ZFYVE28: variants seen among roughly 807,000 people sequenced by gnomAD.
The protein encoded by ZFYVE28 is zinc finger FYVE-type containing 28.
Under a neutral mutation model 82.1 loss-of-function variants are expected in ZFYVE28, and 40 were observed. The ratio of observed to expected loss-of-function variants is 0.49; its 90% CI spans 0.38 to 0.63. The LOEUF is 0.63. Ranked by LOEUF, ZFYVE28 falls within the 30% of genes least tolerant of loss-of-function variation. The probability of loss-of-function intolerance (pLI) is 0.00; values close to 1 mark genes in which losing one functional copy is unlikely to be tolerated. For missense variants in ZFYVE28, 1,321 were observed against 1,242.1 expected, an observed-to-expected ratio of 1.06 and a Z score of -0.96; for synonymous variants, 612 against 546.1, an observed-to-expected ratio of 1.12 and a Z score of -1.68.
chr4:2,359,327 T>C (rs1260157200), intron 1 of ZFYVE28, among the ~76,000 whole-genome samples: 1 of 152,090 alleles, frequency 6.6e-6, no homozygotes, highest in Non-Finnish European at 1.5e-5. Flanking sequence ...GGTCTTGCCA[T>C]GTTGCCCGGG....
chr4:2,364,808 G>T, intron 1 of ZFYVE28: 1 of 985,600 alleles, frequency 1.0e-6, no homozygotes, highest in South Asian at 4.7e-5. Flanking sequence ...GGGTGACTGG[G>T]AATGGCGGGG....
chr4:2,301,931 C>T (rs1463843596), intron 8 of ZFYVE28, among the ~76,000 whole-genome samples: 1 of 152,206 alleles, frequency 6.6e-6, no homozygotes, highest in African/African-American at 2.4e-5. Context: ...TTCATCGTGG[C>T]ACGTCTGTGA....
intron 6 of ZFYVE28, among the ~76,000 whole-genome samples, chr4:2,323,374 T>C (rs1049358424): frequency 6.6e-6 from 1 of 152,226 alleles, no homozygotes; most frequent in Non-Finnish European, 1.5e-5. Flanking sequence ...TTCAAGTCTT[T>C]CCTCATTTTT....
At chr4:2,401,551 C>T (rs1257784133) in intron 1 of ZFYVE28, among the ~76,000 whole-genome samples, 2 of 152,210 alleles carry the variant, frequency 1.3e-5, no homozygotes, top group African/African-American at 2.4e-5. Context: ...CCAGGCCCTC[C>T]CCCTCCTCCT....
At chr4:2,303,669 C>A (rs959442819) in intron 8 of ZFYVE28, among the ~76,000 whole-genome samples, 1 of 152,168 alleles carries the variant, frequency 6.6e-6, no homozygotes, top group Non-Finnish European at 1.5e-5. Flanking sequence ...TAGGAGACCT[C>A]CCCATCTCCC....
intron 8 of ZFYVE28, among the ~76,000 whole-genome samples, chr4:2,275,272 C>T (rs2108799293): frequency 6.6e-6 from 1 of 152,308 alleles, no homozygotes; most frequent in South Asian, 2.1e-4. Flanking sequence ...CCCTATAAAT[C>T]GTTCACAGCT....
chr4:2,270,783 C>T lies in ZFYVE28; in HGVS notation c.2606G>A (p.Cys869Tyr). The T allele has an allele frequency of 6.2e-7, 1 of 1,613,228 alleles. No homozygotes were observed. The highest frequency in any genetic ancestry group is 8.5e-7 in the Non-Finnish European group (1 of 1,179,944). ...GACATGGAACATGTAGCAGTGGGTG[C>T]ACACTCGGACCGGCTTCACCTGCCC... The part of the protein sequence containing the change: ...RYGQVKPVRV[C>Y]THCYMFHVTP... The change falls in exon 13 of 13, where the codon TGC (cysteine) becomes TAC (tyrosine). Residue 869 changes from cysteine to tyrosine, a missense_variant. Physicochemically the swap from Cys to Tyr is radical, Grantham distance 194. Around this residue, in one of 2 missense-constraint regions of ZFYVE28, gnomAD observed 978 missense variants for 833.7 expected, o/e 1.17. Transcript: ENST00000290974.
In ZFYVE28 at chr4:2,409,806, T is replaced by C. The variant is rs1043899348; in HGVS notation, c.39+8479A>G. 1.3e-5 allele frequency among the ~76,000 whole-genome samples: 2 copies of C among 152,224 alleles called. No homozygotes were observed. The highest frequency in any genetic ancestry group is 2.4e-5 in the African/African-American group (1 of 41,446). On this transcript the variant is annotated intron_variant, in intron 1 of 12. Transcript: ENST00000290974. This position sits in a 1 kb window ranked among gnomAD's most constrained non-coding sequence, Gnocchi z 4.4. ...AGACACAGAACTCCTTCACGCTGTC[T>C]TCTGGAAGCCCCAGGACAAGGGCCC... is the stretch of plus-strand genomic sequence containing the variant.
chr4:2,341,394 AGGCG>A lies in ZFYVE28; in HGVS notation c.318+80_318+83del, dbSNP rs1369432538. On this transcript the variant is annotated intron_variant, in intron 3 of 12. Coordinates refer to ENST00000290974, the MANE Select transcript of ZFYVE28 (RefSeq NM_020972.3). The surrounding 1 kb of genome is among the most constrained non-coding windows in gnomAD (Gnocchi z 4.5). ...GGAGACACCAGGTCCCGGCACCTGC[AGGCG>A]CCCATGCACAAGGTTCGCAGGGACT... 16 of 1,549,500 alleles carry A rather than the reference AGGCG, an allele frequency of 1.0e-5. No homozygotes were observed. Among genetic ancestry groups the A allele is most frequent in the Non-Finnish European group, 1.4e-5 (16 of 1,142,732 alleles).
intron 8 of ZFYVE28, among the ~76,000 whole-genome samples, chr4:2,303,867 G>A (rs1208268873): frequency 6.6e-6 from 1 of 152,236 alleles, no homozygotes; most frequent in Non-Finnish European, 1.5e-5. Context: ...AAGAGAAGTG[G>A]GCAGTGCGCT....
rs912440314 is a variant in ZFYVE28, at chr4:2,362,825, G to A, written c.40-8752C>T. ...GGGGTCAGGGAGCTGCAGTGGGCAC[G>A]CTGGGTCAGCAGGAGGCCTGGCAGG... is the stretch of plus-strand genomic sequence containing the variant. On this transcript the variant is annotated intron_variant, in intron 1 of 12. Transcript: ENST00000290974. The surrounding 1 kb of genome is among the most constrained non-coding windows in gnomAD (Gnocchi z 5.1). 6.6e-6 allele frequency among the ~76,000 whole-genome samples: 1 copy of A among 152,084 alleles called. No homozygotes were observed. Among genetic ancestry groups the A allele is most frequent in the Non-Finnish European group, 1.5e-5 (1 of 67,996 alleles).
chr4:2,357,505 G>T (rs1428384133), intron 1 of ZFYVE28, among the ~76,000 whole-genome samples: 2 of 152,206 alleles, frequency 1.3e-5, no homozygotes, highest in Admixed American at 1.3e-4. Flanking sequence ...TCAGGCATTA[G>T]TCCAGGTCAG....
At chr4:2,302,856 C>A (rs965175663) in intron 8 of ZFYVE28, among the ~76,000 whole-genome samples, 1 of 152,240 alleles carries the variant, frequency 6.6e-6, no homozygotes, top group Non-Finnish European at 1.5e-5. Flanking sequence ...CGAAGCCGGA[C>A]CCTGGAGGTC....
rs769990161 is a variant in ZFYVE28 at position 2,337,374 on chromosome 4, C to T, written c.611+33G>A. ...GAGTGAGGCAGGGACTCCCCAGATG[C>T]TGCCCCCAGCCCCTAAGCATCCCTG... On this transcript the variant is annotated intron_variant, in intron 5 of 12. Coordinates refer to ENST00000290974, the MANE Select transcript of ZFYVE28 (RefSeq NM_020972.3). 6.4e-6 allele frequency: 10 copies of T among 1,561,034 alleles called. No individual in the cohort carries two copies. The East Asian group carries it at 1.9e-4, about 30-fold the overall frequency.
intron 8 of ZFYVE28, among the ~76,000 whole-genome samples, chr4:2,297,558 CG>C: frequency 6.6e-6 from 1 of 152,330 alleles, no homozygotes; most frequent in African/African-American, 2.4e-5. Flanking sequence ...GCCAGAAGAG[CG>C]GGGGACAGAG....
chr4:2,370,631 G>A lies in ZFYVE28; in HGVS notation c.40-16558C>T, dbSNP rs557048636. On this transcript the variant is annotated intron_variant, in intron 1 of 12. Transcript: ENST00000290974. ...GCCCACCAGTGAGATGCAGAGATGG[G>A]GCCAGAGGGAGCACCCACCATCCTG... Among the ~76,000 whole-genome samples, 24 of 152,284 alleles carry A rather than the reference G, an allele frequency of 1.6e-4. No homozygotes were observed. In the South Asian group the frequency reaches 3.5e-3, roughly 22 times the overall value.
chr4:2,346,164 T>TAAAAAAAAA (rs34720466), intron 2 of ZFYVE28, among the ~76,000 whole-genome samples: 2 of 126,488 alleles, frequency 1.6e-5, no homozygotes, highest in Non-Finnish European at 3.3e-5. Context: ...CCGTCTCTAC[T>TAAAAAAAAA]AAAAAAAAAA....
intron 2 of ZFYVE28, among the ~76,000 whole-genome samples, chr4:2,345,609 A>G (rs1226682741): frequency 6.6e-6 from 1 of 151,934 alleles, no homozygotes; most frequent in Non-Finnish European, 1.5e-5. Flanking sequence ...AACGAGGAGG[A>G]ATGAGATAGA....
At chr4:2,271,542 G>T in intron 11 of ZFYVE28, 128 bp from the exon 12 acceptor site, 1 of 1,413,198 alleles carries the variant, frequency 7.1e-7, no homozygotes, top group Non-Finnish European at 9.9e-7. Context: ...AGCCTCCGGG[G>T]GGGCGGTCTC....
Sources: gnomAD v4.1 joint callset for allele counts (sites outside exome capture counted in the v4.1 genomes callset) on GRCh38, gnomAD v4.1.1 for gene constraint, gnomAD v4.1.1 regional missense constraint, Gnocchi (gnomAD v3.1) non-coding constraint, MANE v1.5 for transcripts, NCBI Gene and HGNC (gene_info 2026-07-23, HGNC 2026-07-21) for gene names.